The following UBXN7 variants were observed in gnomAD, a reference collection of about 807,000 sequenced individuals.
UBXN7 encodes UBX domain protein 7.
A neutral mutation model predicts 58.0 loss-of-function variants in UBXN7; 9 were observed. The ratio of observed to expected loss-of-function variants is 0.16; its 90% CI spans 0.09 to 0.27. The LOEUF is 0.27. UBXN7 is among the 10% of genes least tolerant of loss of function. The pLI is 1.00. For missense variants in UBXN7, 328 were observed against 599.6 expected (o/e 0.55, Z 4.73); for synonymous variants, 208 against 205.0 (o/e 1.01, Z -0.12).
chr3:196,420,463 G>A (rs1273239541), intron 1 of UBXN7, among the ~76,000 whole-genome samples: 1 of 151,704 alleles, frequency 6.6e-6, no homozygotes, highest in South Asian at 2.1e-4. Flanking sequence ...CCCGGGAGGT[G>A]GAGGTTGCAG....
chr3:196,380,343 T>C (rs28712197), intron 5 of UBXN7, among the ~76,000 whole-genome samples: 37,772 of 151,210 alleles, frequency 0.25, 6,179 homozygotes, highest in East Asian at 0.83. Flanking sequence ...TAAGCAAACA[T>C]GGTGGTAAGG....
chr3:196,358,582 T>C (rs567409484), intron 10 of UBXN7, among the ~76,000 whole-genome samples: 1 of 152,138 alleles, frequency 6.6e-6, no homozygotes, highest in South Asian at 2.1e-4. Flanking sequence ...CAAAAAAGAA[T>C]TTTAAAAAAT....
At chr3:196,359,866 A>G (rs1728458315) in intron 10 of UBXN7, among the ~76,000 whole-genome samples, 1 of 151,866 alleles carries the variant, frequency 6.6e-6, no homozygotes, top group South Asian at 2.1e-4. Flanking sequence ...AGATCGCACC[A>G]TTGTACTCTA....
chr3:196,356,615 ATACT>A lies in UBXN7; in HGVS notation c.*66_*69del. 6.6e-7 allele frequency: 1 copy of A among 1,519,896 alleles called. No homozygotes were observed. The highest frequency in any genetic ancestry group is 8.8e-7 in the Non-Finnish European group (1 of 1,140,782). 94.2% of individuals were successfully genotyped at this position (1,519,896 alleles called of 1,614,324 possible). ...TCTGTGGTCCTATGAGCCAAAATGC[ATACT>A]TAGTGACATGTATCTCACAGGAAAA... On this transcript the variant is annotated 3_prime_UTR_variant, in exon 11 of 11. Coordinates refer to ENST00000296328, the MANE Select transcript of UBXN7 (RefSeq NM_015562.2).
intron 7 of UBXN7, among the ~76,000 whole-genome samples, chr3:196,369,085 A>T (rs1728749508): frequency 6.6e-6 from 1 of 152,138 alleles, no homozygotes; most frequent in Non-Finnish European, 1.5e-5. Context: ...CGGCCTCCCA[A>T]AGTGCTGGGA....
At position 196,366,094 on chromosome 3, in the gene UBXN7, C is replaced by T. The variant is rs1728656762; in HGVS notation, c.834+1934G>A. Among the ~76,000 whole-genome samples, 2 of 152,202 alleles carry T rather than the reference C, an allele frequency of 1.3e-5. 1 individual carries two copies. The highest frequency in any genetic ancestry group is 1.3e-4 in the Admixed American group (2 of 15,282). On this transcript the variant is annotated intron_variant, in intron 8 of 10. Coordinates refer to ENST00000296328, the MANE Select transcript of UBXN7 (RefSeq NM_015562.2). The stretch of plus-strand genomic sequence containing the variant: ...AACTATAAATCAAGCAGGAGAACTG[C>T]TTGAGGCCAGGAGTTCGAGACCATC...
chr3:196,361,272 A>C (rs1224932511), intron 10 of UBXN7, among the ~76,000 whole-genome samples: 1 of 152,156 alleles, frequency 6.6e-6, no homozygotes, highest in Non-Finnish European at 1.5e-5. Flanking sequence ...TCAAACATTA[A>C]AGGGAGGGGG....
intron 5 of UBXN7, among the ~76,000 whole-genome samples, chr3:196,390,862 G>T (rs1729561337): frequency 6.6e-6 from 1 of 152,094 alleles, no homozygotes; most frequent in Non-Finnish European, 1.5e-5. Flanking sequence ...CAACAGAAGA[G>T]TATCTAAAAT....
intron 5 of UBXN7, among the ~76,000 whole-genome samples, chr3:196,388,268 G>A (rs1729472305): frequency 7.5e-6 from 1 of 132,528 alleles, no homozygotes; most frequent in Non-Finnish European, 1.5e-5. Flanking sequence ...ACAGGGCAGG[G>A]AACATCACAC....
chr3:196,425,273 C>T (rs540611401), intron 1 of UBXN7, among the ~76,000 whole-genome samples: 2 of 151,990 alleles, frequency 1.3e-5, no homozygotes, highest in East Asian at 1.9e-4. Context: ...TCCACTTCTC[C>T]GCCACTAACT....
At chr3:196,415,716 A>G (rs1730460744) in intron 1 of UBXN7, among the ~76,000 whole-genome samples, 1 of 151,776 alleles carries the variant, frequency 6.6e-6, no homozygotes, top group Non-Finnish European at 1.5e-5. Context: ...AGGGAGTCAA[A>G]GGTTGCAGTG....
chr3:196,371,337 T>C (rs1728826377), intron 6 of UBXN7, among the ~76,000 whole-genome samples: 1 of 152,204 alleles, frequency 6.6e-6, no homozygotes. Flanking sequence ...TATTTTTGTA[T>C]TAGTTATATA....
At chr3:196,407,650 T>TTGGCCATTTCTTTGGCCATTTATTTAAA (rs1730202931) in intron 1 of UBXN7, among the ~76,000 whole-genome samples, 1 of 152,140 alleles carries the variant, frequency 6.6e-6, no homozygotes, top group East Asian at 1.9e-4. Flanking sequence ...AAAGCATTTT[T>TTGGCCATTTCTTTGGCCATTTATTTAAA]TGGCCATTTC....
chr3:196,364,703 G>GTT (rs541642001), intron 8 of UBXN7, among the ~76,000 whole-genome samples: 21 of 143,820 alleles, frequency 1.5e-4, no homozygotes, highest in African/African-American at 2.5e-4. Flanking sequence ...TTTGCTGGTT[G>GTT]TTTTTTTTTT....
Position 196,368,161 on chromosome 3 carries a change from G to A in UBXN7, c.707-6C>T, listed in dbSNP as rs762743016. On this transcript the variant is annotated splice_polypyrimidine_tract_variant and splice_region_variant and intron_variant, in intron 7 of 10. Coordinates refer to ENST00000296328, the MANE Select transcript of UBXN7 (RefSeq NM_015562.2). ...CCATTCTACTAGCTTCTGACCTAAG[G>A]ATTAAAAACCAAGATCTATAAATAA... The A allele has an allele frequency of 6.2e-7, 1 of 1,604,474 alleles. No homozygotes were observed. The highest frequency in any genetic ancestry group is 8.5e-7 in the Non-Finnish European group (1 of 1,177,094).
chr3:196,404,741 A>C (rs1312266120), intron 2 of UBXN7, among the ~76,000 whole-genome samples: 1 of 152,228 alleles, frequency 6.6e-6, no homozygotes, highest in African/African-American at 2.4e-5. Flanking sequence ...CAAGTGACAA[A>C]AGGATAATTC....
At chr3:196,396,909 A>C (rs1476682764) in intron 3 of UBXN7, among the ~76,000 whole-genome samples, 1 of 152,160 alleles carries the variant, frequency 6.6e-6, no homozygotes, top group Non-Finnish European at 1.5e-5. Context: ...ATTCCACATC[A>C]CCTTTCCAAC....
intron 1 of UBXN7, among the ~76,000 whole-genome samples, chr3:196,408,354 C>G (rs1241263711): frequency 6.6e-6 from 1 of 152,104 alleles, no homozygotes; most frequent in Non-Finnish European, 1.5e-5. Flanking sequence ...CAAAAATACT[C>G]ATTCCTTTTT....
chr3:196,416,577 T>G (rs1175189473), intron 1 of UBXN7, among the ~76,000 whole-genome samples: 1 of 152,218 alleles, frequency 6.6e-6, no homozygotes, highest in African/African-American at 2.4e-5. Flanking sequence ...TGGGTTCTGA[T>G]GAGAATCAGA....
Sources: allele counts gnomAD v4.1 joint callset (sites outside exome capture counted in the v4.1 genomes callset), GRCh38; gene constraint gnomAD v4.1.1; transcripts MANE v1.5; gene names NCBI Gene and HGNC (gene_info 2026-07-23, HGNC 2026-07-21).